The following KDM5A variants were observed in gnomAD, a reference collection of about 807,000 sequenced individuals.
KDM5A encodes the protein lysine-specific demethylase 5A.
A neutral mutation model predicts 193.5 loss-of-function variants in KDM5A; 42 were observed. The observed-to-expected ratio is 0.22, with a 90% confidence interval of 0.17 to 0.28. The LOEUF is 0.28. Ranked by LOEUF, KDM5A falls within the 10% of genes least tolerant of loss-of-function variation. The pLI is 1.00. For missense variants in KDM5A, 1,692 were observed against 2,055.1 expected (o/e 0.82, Z 3.42); for synonymous variants, 796 against 718.1 (o/e 1.11, Z -1.73).
chr12:336,043 CAAAAAAAAAA>C (rs753624871), intron 10 of KDM5A, among the ~76,000 whole-genome samples: 3 of 42,018 alleles, frequency 7.1e-5, no homozygotes, highest in African/African-American at 9.9e-5. Flanking sequence ...TACTTCATCT[CAAAAAAAAAA>C]AAAAAAAAAA....
chr12:284,636 CTCTT>C lies in KDM5A; in HGVS notation c.*816_*819del, dbSNP rs1270869892. On this transcript the variant is annotated 3_prime_UTR_variant, in exon 28 of 28. Coordinates refer to ENST00000399788, the MANE Select transcript of KDM5A (RefSeq NM_001042603.3). ...GACTGGTCATCATCGTCATCTTCTTCTCTTTTTTTTTTTGGCAGAAGCCTGGATC... is the reference window on the plus strand; with the variant it reads ...GACTGGTCATCATCGTCATCTTCTTCTTTTTTTTTGGCAGAAGCCTGGATC... 5 of 230,446 alleles carry C rather than the reference CTCTT, an allele frequency of 2.2e-5. No homozygotes were observed. The highest frequency in any genetic ancestry group is 1.3e-3 in the Middle Eastern group (1 of 798). 14.3% of individuals were successfully genotyped at this position (230,446 alleles called of 1,614,324 possible).
At chr12:323,035 A>G in intron 16 of KDM5A, 47 bp downstream of exon 16, 1 of 1,611,856 alleles carries the variant, frequency 6.2e-7, no homozygotes, top group South Asian at 1.1e-5. Context: ...GCCTCTTTTA[A>G]AGTGACAATC....
intron 22 of KDM5A, among the ~76,000 whole-genome samples, chr12:308,362 C>A (rs1360067320): frequency 6.6e-6 from 1 of 152,154 alleles, no homozygotes; most frequent in Non-Finnish European, 1.5e-5. Flanking sequence ...GAGAATACTA[C>A]CAACCGTATT....
intron 7 of KDM5A, 124 bp downstream of exon 7, chr12:355,034 T>C: frequency 1.4e-6 from 1 of 725,804 alleles, no homozygotes; most frequent in East Asian, 2.7e-5. Flanking sequence ...ACTTCACAGA[T>C]GTGCCATCAA....
chr12:296,795 T>C (rs1223509307), intron 25 of KDM5A, among the ~76,000 whole-genome samples: 3 of 152,238 alleles, frequency 2.0e-5, no homozygotes, highest in Non-Finnish European at 4.4e-5. Context: ...GGCATGGGAC[T>C]AGATGGCCCC....
At chr12:381,943 A>T (rs1456911337) in intron 3 of KDM5A, among the ~76,000 whole-genome samples, 1 of 152,012 alleles carries the variant, frequency 6.6e-6, no homozygotes, top group Non-Finnish European at 1.5e-5. Context: ...ATTAGCTGGG[A>T]CTCCAGGAGT....
At position 328,918 on chromosome 12, in the gene KDM5A, C is replaced by T. The variant is rs758504046; in HGVS notation, c.1885G>A (p.Val629Met). Residue 629 changes from valine (V) to methionine (M), a missense_variant, in exon 14 of 28, where the codon GTG (valine) becomes ATG (methionine). This residue lies in a region of KDM5A where 88 missense variants were observed against 124.6 expected (regional missense o/e 0.71). Transcript: ENST00000399788. ...TTGCAGACCATGGCAGCCAGCCCCA[C>T]ATCTAAGCATTCTGGATCTGCTGCC... Reference protein sequence around the residue: ...KMAADPECLDVGLAAMVCKEL... With the variant: ...KMAADPECLDMGLAAMVCKEL... 29 of 1,614,110 alleles carry T rather than the reference C, an allele frequency of 1.8e-5. No individual in the cohort carries two copies. The highest frequency in any genetic ancestry group is 2.7e-5 in the African/African-American group (2 of 74,938).
intron 27 of KDM5A, among the ~76,000 whole-genome samples, chr12:286,978 T>C (rs142169144): frequency 2.2e-4 from 33 of 152,274 alleles, no homozygotes; most frequent in African/African-American, 7.5e-4. Flanking sequence ...GTGACTCAAT[T>C]TCCTCATCTG....
intron 7 of KDM5A, 113 bp downstream of exon 7, chr12:355,045 G>A: frequency 1.3e-6 from 1 of 749,058 alleles, no homozygotes; most frequent in Non-Finnish European, 2.4e-6. Flanking sequence ...GTGCCATCAA[G>A]TCTTCTAACC....
intron 3 of KDM5A, among the ~76,000 whole-genome samples, chr12:367,703 GA>G (rs538424158): frequency 0.04 from 5,727 of 144,026 alleles, 352 homozygotes; most frequent in African/African-American, 0.14. Flanking sequence ...CTCCATCTCC[GA>G]AAAAAAAAAA....
intron 3 of KDM5A, among the ~76,000 whole-genome samples, chr12:378,832 G>A (rs547034663): frequency 7.2e-5 from 11 of 151,998 alleles, no homozygotes; most frequent in East Asian, 1.9e-4. Flanking sequence ...GGTGGTGGGC[G>A]CCTGTAGTCC....
intron 3 of KDM5A, among the ~76,000 whole-genome samples, chr12:379,949 T>C (rs1308428912): frequency 6.6e-6 from 1 of 152,154 alleles, no homozygotes; most frequent in Non-Finnish European, 1.5e-5. Flanking sequence ...CCCTTCCCTA[T>C]TTTGAAATCC....
intron 10 of KDM5A, among the ~76,000 whole-genome samples, chr12:344,799 C>A (rs1367185466): frequency 6.6e-6 from 1 of 152,164 alleles, no homozygotes; most frequent in Non-Finnish European, 1.5e-5. Flanking sequence ...CTGGTACCAG[C>A]CACTGCAGAA....
intron 3 of KDM5A, among the ~76,000 whole-genome samples, chr12:376,608 C>A (rs538486911): frequency 6.6e-6 from 1 of 152,202 alleles, no homozygotes; most frequent in Non-Finnish European, 1.5e-5. Context: ...GTCCAACAAG[C>A]CCCAGTGAGA....
chr12:317,845 C>T (rs1364012892), intron 19 of KDM5A, among the ~76,000 whole-genome samples: 3 of 152,190 alleles, frequency 2.0e-5, no homozygotes, highest in African/African-American at 4.8e-5. Flanking sequence ...CACTGACCTG[C>T]ACCTCTCCGG....
rs776443361 is a variant in KDM5A, at chr12:318,194, C to G, written c.2809G>C (p.Ala937Pro). 6.2e-7 allele frequency: 1 copy of G among 1,614,182 alleles called. No homozygotes were observed. The highest frequency in any genetic ancestry group is 8.5e-7 in the Non-Finnish European group (1 of 1,180,022). Residue 937 changes from alanine (A) to proline (P), a missense_variant, in exon 19 of 28, where the codon GCT becomes CCT. Around this residue, in one of 11 missense-constraint regions of KDM5A, gnomAD observed 965 missense variants for 1,061.0 expected, o/e 0.91. Transcript: ENST00000399788. ...DSGVGLAPHH[A>P]VEKAMAELQE... ...AGTTCAGCCATTGCTTTCTCCACAG[C>G]ATGGTGGGGTGCCAACCCTACCCCA...
At chr12:384,248 C>T in intron 2 of KDM5A, 95 bp from the exon 3 acceptor site, 1 of 912,026 alleles carries the variant, frequency 1.1e-6, no homozygotes, top group East Asian at 2.5e-5. Context: ...TGGACCAGTA[C>T]CCATCAGCGG....
chr12:386,243 G>A (rs1944635797), intron 1 of KDM5A, among the ~76,000 whole-genome samples: 1 of 152,180 alleles, frequency 6.6e-6, no homozygotes, highest in African/African-American at 2.4e-5. Context: ...TACATAATGA[G>A]ATATCTTGGA....
At position 309,823 on chromosome 12, in the gene KDM5A, T is replaced by C. The variant is rs865840614; in HGVS notation, c.3358A>G (p.Thr1120Ala). 2 of 1,614,152 alleles carry C rather than the reference T, an allele frequency of 1.2e-6. No homozygotes were observed. Among genetic ancestry groups the C allele is most frequent in the Non-Finnish European group, 8.5e-7 (1 of 1,180,012 alleles). Reference sequence around the variant, plus strand: ...CTTACCACCATGGCTGTATCTCTGGTTTCCTCCAATCCTTCCTCCAGATCA... The same window carrying C: ...CTTACCACCATGGCTGTATCTCTGGCTTCCTCCAATCCTTCCTCCAGATCA... ...LSDLEEGLEE[T>A]RDTAMVVAVF... is the part of the protein sequence containing the mutation. The change falls in exon 22 of 28, where the codon ACC becomes GCC. Residue 1120 changes from threonine to alanine, a missense_variant. This residue lies in a region of KDM5A where 965 missense variants were observed against 1,061.0 expected (regional missense o/e 0.91). Transcript: ENST00000399788.
Sources: gnomAD v4.1 joint callset for allele counts (sites outside exome capture counted in the v4.1 genomes callset) on GRCh38, gnomAD v4.1.1 for gene constraint, gnomAD v4.1.1 regional missense constraint, MANE v1.5 for transcripts, NCBI Gene and HGNC (gene_info 2026-07-23, HGNC 2026-07-21) for gene names.